Variants in DDX47 observed in about 807,000 individuals in gnomAD.
DDX47 encodes DEAD-box helicase 47, also known as probable ATP-dependent RNA helicase DDX47.
A neutral mutation model predicts 58.8 loss-of-function variants in DDX47; 60 were observed. The ratio of observed to expected loss-of-function variants is 1.02; its 90% CI spans 0.83 to 1.26. DDX47 has a LOEUF of 1.26. Among genes scored for constraint, DDX47 ranks in the 50% most tolerant of loss-of-function variants. DDX47 has a pLI of 0.00. For missense variants in DDX47, 530 were observed against 573.2 expected (o/e 0.92, Z 0.77); for synonymous variants, 197 against 204.6 (o/e 0.96, Z 0.32).
intron 10 of DDX47, among the ~76,000 whole-genome samples, chr12:12,826,615 T>C (rs946789192): frequency 6.6e-6 from 1 of 152,106 alleles, no homozygotes; most frequent in African/African-American, 2.4e-5. Flanking sequence ...ACCTGGCTTT[T>C]TAAAAAATAT....
chr12:12,813,859 A>AG (rs1222360951), intron 1 of DDX47, among the ~76,000 whole-genome samples: 1 of 152,230 alleles, frequency 6.6e-6, no homozygotes, highest in Non-Finnish European at 1.5e-5. Context: ...AATTGGGGAT[A>AG]GTAATAAGTA....
intron 4 of DDX47, 62 bp from the exon 5 acceptor site, chr12:12,821,903 G>GT (rs1176198359): frequency 1.2e-5 from 16 of 1,281,368 alleles, no homozygotes; most frequent in African/African-American, 4.5e-5. Context: ...TTGTTTATTT[G>GT]TTTTGTTTTT....
intron 3 of DDX47, 41 bp from the exon 4 acceptor site, chr12:12,821,614 A>G: frequency 6.3e-7 from 1 of 1,593,966 alleles, no homozygotes; most frequent in Non-Finnish European, 8.6e-7. Flanking sequence ...ACTGTGGAAA[A>G]AATTAAGGAT....
At chr12:12,820,332 T>TA (rs1442112561) in intron 2 of DDX47, 2 of 152,222 alleles carry the variant, frequency 1.3e-5, no homozygotes, top group African/African-American at 4.8e-5. Context: ...GTCTAGAGTT[T>TA]ATCTTCCTAA....
At chr12:12,816,335 GA>G (rs1862897491) in intron 2 of DDX47, among the ~76,000 whole-genome samples, 1 of 152,148 alleles carries the variant, frequency 6.6e-6, no homozygotes, top group East Asian at 1.9e-4. Flanking sequence ...AAATTGCTAG[GA>G]GAGTGGATCT....
intron 2 of DDX47, chr12:12,820,895 T>A: frequency 2.9e-6 from 1 of 350,590 alleles, no homozygotes; most frequent in Non-Finnish European, 5.3e-6. Flanking sequence ...AACTCACTTA[T>A]CACCTCTGTT....
intron 7 of DDX47, chr12:12,823,619 C>G (rs1232361158): frequency 3.6e-6 from 2 of 551,694 alleles, no homozygotes; most frequent in Non-Finnish European, 6.4e-6. Context: ...GATGAAGCCC[C>G]TGGTTTTGTG....
In DDX47 at chr12:12,827,425, T is replaced by C. The variant is rs566200122; in HGVS notation, c.1236+50T>C. 3.1e-6 allele frequency: 5 copies of C among 1,596,050 alleles called. No individual in the cohort carries two copies. In the East Asian group the frequency reaches 6.7e-5, roughly 21 times the overall value. ...GTGTCTGTGCAAACAATGTTAACTG[T>C]GTGCCACTTTATTATATTAACCCTC... On this transcript the variant is annotated intron_variant, in intron 11 of 11. Transcript: ENST00000358007.
At position 12,824,604 on chromosome 12, in the gene DDX47, A is replaced by C. The variant is rs1196070271; in HGVS notation, c.962A>C (p.Asp321Ala). Residue 321 changes from aspartate to alanine, a missense_variant, in exon 9 of 12, where the codon GAC (aspartate) becomes GCC (alanine). By Grantham distance (126) the Asp-to-Ala change is moderately radical. Transcript: ENST00000358007. Reference protein sequence around the residue: ...AKARSILLATDVASRGLDIPH... With the variant: ...AKARSILLATAVASRGLDIPH... ...GCCCGTTCCATTCTTCTAGCAACTG[A>C]CGTTGCCAGCCGAGGTTTGGACATA... The C allele has an allele frequency of 1.2e-6, 2 of 1,614,052 alleles. No homozygotes were observed. Among genetic ancestry groups the C allele is most frequent in the Non-Finnish European group, 1.7e-6 (2 of 1,179,934 alleles).
intron 10 of DDX47, chr12:12,826,348 G>C: frequency 8.0e-6 from 2 of 250,006 alleles, no homozygotes; most frequent in Non-Finnish European, 7.6e-6. Context: ...GAAAGTATTA[G>C]AATAACTATT....
intron 2 of DDX47, among the ~76,000 whole-genome samples, chr12:12,817,774 G>A (rs758744917): frequency 9.9e-5 from 15 of 152,136 alleles, no homozygotes; most frequent in African/African-American, 2.4e-4. Flanking sequence ...AGGAGATGAC[G>A]TAGAAAAATA....
chr12:12,827,182 G>C (rs1449600913), intron 10 of DDX47, 64 bp from the exon 11 acceptor site: 2 of 1,574,300 alleles, frequency 1.3e-6, no homozygotes, highest in African/African-American at 2.7e-5. Flanking sequence ...TATAATAATA[G>C]TTTGGGAATG....
In DDX47 at chr12:12,823,944, T is replaced by C. The variant is rs1863011856; in HGVS notation, c.825T>C (p.Asn275=). Reference sequence around the variant, plus strand: ...TGATATTCTGCAGCACCTGTAATAATACCCAGAGAACAGCTTTGCTACTGC... The same window carrying C: ...TGATATTCTGCAGCACCTGTAATAACACCCAGAGAACAGCTTTGCTACTGC... ...SFMIFCSTCN[N]TQRTALLLRN... is the part of the protein sequence containing the mutation. Residue 275 remains asparagine, a synonymous_variant, in exon 8 of 12, where the codon AAT becomes AAC. Transcript: ENST00000358007. 5 of 1,614,058 alleles carry C rather than the reference T, an allele frequency of 3.1e-6. No homozygotes were observed. Among genetic ancestry groups the C allele is most frequent in the Non-Finnish European group, 4.2e-6 (5 of 1,180,014 alleles).
intron 6 of DDX47, 84 bp from the exon 7 acceptor site, chr12:12,823,119 T>G (rs1862997051): frequency 3.5e-6 from 3 of 861,842 alleles, no homozygotes; most frequent in Non-Finnish European, 5.9e-6. Flanking sequence ...AACATGAGAT[T>G]TGGGTGAGGA....
At chr12:12,828,616 G>C (rs979377938) in intron 11 of DDX47, among the ~76,000 whole-genome samples, 1 of 152,158 alleles carries the variant, frequency 6.6e-6, no homozygotes, top group Non-Finnish European at 1.5e-5. Context: ...TTTGTTTTTG[G>C]AGTAGCTGAG....
chr12:12,829,430 G>C lies in DDX47; in HGVS notation c.1244G>C (p.Arg415Thr). ...TCTCTTTTTTTCTTGCAGGAGTTAAGGGAGCATGGAGAAAAGAAGAAACGC... is the reference window on the plus strand; with the variant it reads ...TCTCTTTTTTTCTTGCAGGAGTTAACGGAGCATGGAGAAAAGAAGAAACGC... ...EAQRFARMELREHGEKKKRSR... is the reference protein window; with the variant it reads ...EAQRFARMELTEHGEKKKRSR... Residue 415 changes from arginine (R) to threonine (T), a missense_variant, in exon 12 of 12, where the codon AGG becomes ACG. Transcript: ENST00000358007. The C allele has an allele frequency of 1.2e-6, 2 of 1,610,758 alleles. No individual in the cohort carries two copies. Among genetic ancestry groups the C allele is most frequent in the Non-Finnish European group, 1.7e-6 (2 of 1,178,728 alleles).
intron 11 of DDX47, among the ~76,000 whole-genome samples, chr12:12,828,386 T>G (rs754079180): frequency 2.0e-5 from 3 of 152,090 alleles, no homozygotes; most frequent in Non-Finnish European, 2.9e-5. Context: ...TTGAGCCCCA[T>G]CCCCAAGATA....
chr12:12,825,271 G>A (rs1863036317), intron 9 of DDX47, among the ~76,000 whole-genome samples: 3 of 152,182 alleles, frequency 2.0e-5, no homozygotes. Flanking sequence ...CCGGCCTACA[G>A]CTTGTAGTGC....
rs760048258 is a variant in DDX47, at chr12:12,815,017, G to A, written c.181+793G>A. ...TTAATAGGAGTAGAAGTAAAGTCCT[G>A]CTCTTAGATTCCTAAAGTACCAACT... On this transcript the variant is annotated intron_variant, in intron 2 of 11. Transcript: ENST00000358007. Among the ~76,000 whole-genome samples, 5 of 152,124 alleles carry A rather than the reference G, an allele frequency of 3.3e-5. No individual in the cohort carries two copies. In the East Asian group the frequency reaches 5.8e-4, roughly 18 times the overall value.
Sources: gnomAD v4.1 joint callset for allele counts (sites outside exome capture counted in the v4.1 genomes callset) on GRCh38, gnomAD v4.1.1 for gene constraint, MANE v1.5 for transcripts, NCBI Gene and HGNC (gene_info 2026-07-23, HGNC 2026-07-21) for gene names.